The following KIAA0319L variants were observed in gnomAD, a reference collection of about 807,000 sequenced individuals.
KIAA0319L encodes the protein dyslexia-associated protein KIAA0319-like protein.
A neutral mutation model predicts 120.1 loss-of-function variants in KIAA0319L; 55 were observed. The ratio of observed to expected loss-of-function variants is 0.46; its 90% CI spans 0.37 to 0.57. KIAA0319L has a LOEUF of 0.57. Ranked by LOEUF, KIAA0319L falls within the 20% of genes least tolerant of loss-of-function variation. The probability of loss-of-function intolerance (pLI) is 0.00; values close to 1 mark genes in which losing one functional copy is unlikely to be tolerated. For synonymous variants in KIAA0319L, 398 were observed against 471.9 expected, an observed-to-expected ratio of 0.84 and a Z score of 2.03; for missense variants, 1,049 against 1,255.3, an observed-to-expected ratio of 0.84 and a Z score of 2.48.
At position 35,479,219 on chromosome 1, in the gene KIAA0319L, A is replaced by G. The variant is rs1644041450; in HGVS notation, c.667-7T>C. The G allele has an allele frequency of 6.2e-7, 1 of 1,606,138 alleles. No homozygotes were observed. The highest frequency in any genetic ancestry group is 1.1e-5 in the South Asian group (1 of 90,460). ...TTGTAATCGCCTTGTGGACCTAAAG[A>G]AATAAAAAAACTAATTTGAGTAGGT... is the stretch of plus-strand genomic sequence containing the variant. On this transcript the variant is annotated splice_polypyrimidine_tract_variant and splice_region_variant and intron_variant, in intron 3 of 20. Transcript: ENST00000325722.
chr1:35,531,309 T>C (rs955132816), intron 2 of KIAA0319L, among the ~76,000 whole-genome samples: 1 of 152,220 alleles, frequency 6.6e-6, no homozygotes, highest in Non-Finnish European at 1.5e-5. Flanking sequence ...TTCCCTGGTA[T>C]ACAGGACATT....
intron 3 of KIAA0319L, among the ~76,000 whole-genome samples, chr1:35,499,802 A>G (rs1377622776): frequency 2.6e-5 from 4 of 152,016 alleles, no homozygotes; most frequent in Non-Finnish European, 4.4e-5. Context: ...AAAACCCTGA[A>G]AAACAAACCC....
chr1:35,546,168 C>G (rs927886877), intron 2 of KIAA0319L, among the ~76,000 whole-genome samples: 1 of 151,840 alleles, frequency 6.6e-6, no homozygotes, highest in Non-Finnish European at 1.5e-5. Flanking sequence ...CCAGGGAGAC[C>G]ACAAGTGGGA....
In KIAA0319L at chr1:35,434,083, CTTTTT is replaced by C. The variant is rs34942826; in HGVS notation, c.*806_*810del. 1.7e-5 allele frequency: 2 copies of C among 116,068 alleles called. No individual in the cohort carries two copies. Among genetic ancestry groups the C allele is most frequent in the South Asian group, 2.7e-4 (1 of 3,742 alleles). 7.2% of individuals were successfully genotyped at this position (116,068 alleles called of 1,614,324 possible). On this transcript the variant is annotated 3_prime_UTR_variant, in exon 21 of 21. Coordinates refer to ENST00000325722, the MANE Select transcript of KIAA0319L (RefSeq NM_024874.5). ...GTTAAGGGGGGGCCAGATATCATTTCTTTTTTTTTTTTTTTTTTTTTGACGGAGTC... is the reference window on the plus strand; with the variant it reads ...GTTAAGGGGGGGCCAGATATCATTTCTTTTTTTTTTTTTTTTGACGGAGTC...
At chr1:35,499,143 T>C (rs1187717375) in intron 3 of KIAA0319L, among the ~76,000 whole-genome samples, 1 of 152,288 alleles carries the variant, frequency 6.6e-6, no homozygotes, top group African/African-American at 2.4e-5. Flanking sequence ...TAACAAGAGA[T>C]GGTCAAGTTC....
chr1:35,549,050 C>CTT (rs869246893), intron 2 of KIAA0319L, among the ~76,000 whole-genome samples: 5 of 142,034 alleles, frequency 3.5e-5, no homozygotes, highest in African/African-American at 5.1e-5. Context: ...TGCGTTGCAT[C>CTT]TTTTTTTTTT....
chr1:35,493,536 T>C lies in KIAA0319L; in HGVS notation c.666+13076A>G, dbSNP rs139674286. On this transcript the variant is annotated intron_variant, in intron 3 of 20. Transcript: ENST00000325722. ...ACCTGACAAAAGACTGCAAGATCTG[T>C]ACACCGGTGCCCAGCTGGTATACAT... Among the ~76,000 whole-genome samples the C allele has an allele frequency of 1.2e-4, 18 of 152,240 alleles. 2 individuals carry two copies. The highest frequency in any genetic ancestry group is 3.9e-4 in the African/African-American group (16 of 41,538).
intron 2 of KIAA0319L, among the ~76,000 whole-genome samples, chr1:35,508,287 T>G (rs760798531): frequency 2.0e-5 from 3 of 152,210 alleles, no homozygotes; most frequent in Non-Finnish European, 2.9e-5. Flanking sequence ...ATAAAATATA[T>G]GTTAGAATTA....
intron 3 of KIAA0319L, among the ~76,000 whole-genome samples, chr1:35,502,492 C>T (rs1210463623): frequency 6.6e-6 from 1 of 152,016 alleles, no homozygotes; most frequent in East Asian, 1.9e-4. Context: ...ACCTCAGTGT[C>T]CACATGGGTA....
intron 7 of KIAA0319L, among the ~76,000 whole-genome samples, chr1:35,464,539 T>C (rs1187547944): frequency 6.6e-6 from 1 of 152,194 alleles, no homozygotes; most frequent in Non-Finnish European, 1.5e-5. Flanking sequence ...ATACGGGAAG[T>C]AGAACATAAA....
chr1:35,456,216 C>A lies in KIAA0319L; in HGVS notation c.1453G>T (p.Ala485Ser). ...FSLTVVDSDG[A>S]TNSTTANLTV... ...AGGTTTGCAGTAGTAGAGTTGGTAG[C>A]TCCATCAGAGTCTACTACAGTCAAG... The change falls in exon 10 of 21, where the codon GCT becomes TCT. Residue 485 changes from alanine (A) to serine (S), a missense_variant. Ala to Ser is a moderately conservative substitution (Grantham distance 99). Coordinates refer to ENST00000325722, the MANE Select transcript of KIAA0319L (RefSeq NM_024874.5). 6.2e-7 allele frequency: 1 copy of A among 1,601,126 alleles called. No individual in the cohort carries two copies. The highest frequency in any genetic ancestry group is 8.5e-7 in the Non-Finnish European group (1 of 1,172,604).
intron 20 of KIAA0319L, among the ~76,000 whole-genome samples, chr1:35,435,785 C>G (rs1640738340): frequency 6.6e-6 from 1 of 152,232 alleles, no homozygotes; most frequent in Non-Finnish European, 1.5e-5. Context: ...CCCTTCACTA[C>G]TTATCCCTAT....
intron 2 of KIAA0319L, among the ~76,000 whole-genome samples, chr1:35,523,824 AT>A (rs1168085841): frequency 6.6e-6 from 1 of 152,240 alleles, no homozygotes; most frequent in Non-Finnish European, 1.5e-5. Context: ...GTCTCAAAAT[AT>A]TCTATCTAAT....
intron 14 of KIAA0319L, 79 bp from the exon 15 acceptor site, chr1:35,450,084 A>G: frequency 6.5e-7 from 1 of 1,545,884 alleles, no homozygotes; most frequent in Non-Finnish European, 8.9e-7. Flanking sequence ...CTTTCACCAT[A>G]ACTAGGCCCT....
At chr1:35,505,322 T>C (rs763673788) in intron 3 of KIAA0319L, among the ~76,000 whole-genome samples, 2 of 152,166 alleles carry the variant, frequency 1.3e-5, no homozygotes, top group Non-Finnish European at 2.9e-5. Context: ...ACATACACTG[T>C]GGCTCTGTCC....
At position 35,449,887 on chromosome 1, in the gene KIAA0319L, G is replaced by A; in HGVS notation, c.2333C>T (p.Thr778Ile). ...CTCACCAGGTTTCACCTCCACAGTGGTCCGGTCTGTGTCACTCTCACCCTT... is the reference window on the plus strand; with the variant it reads ...CTCACCAGGTTTCACCTCCACAGTGATCCGGTCTGTGTCACTCTCACCCTT... ...DAKGESDTDR[T>I]TVEVKPDPRK... Residue 778 changes from threonine to isoleucine, a missense_variant, in exon 15 of 21, where the codon ACC becomes ATC. By Grantham distance (89) the Thr-to-Ile change is moderately conservative (BLOSUM62 -1). Transcript: ENST00000325722. 1 of 1,614,090 alleles carries A rather than the reference G, an allele frequency of 6.2e-7. No individual in the cohort carries two copies. Among genetic ancestry groups the A allele is most frequent in the Non-Finnish European group, 8.5e-7 (1 of 1,180,008 alleles).
chr1:35,528,249 G>A (rs966343532), intron 2 of KIAA0319L, among the ~76,000 whole-genome samples: 6 of 152,000 alleles, frequency 3.9e-5, no homozygotes, highest in African/African-American at 1.4e-4. Flanking sequence ...CACCACACCT[G>A]GCTAATTATT....
At chr1:35,513,283 TATATA>T (rs1247901525) in intron 2 of KIAA0319L, among the ~76,000 whole-genome samples, 48 of 100,048 alleles carry the variant, frequency 4.8e-4, no homozygotes, top group African/African-American at 1.7e-3. Context: ...TATATATATA[TATATA>T]TTTTTTTTTT....
chr1:35,522,875 C>T (rs893446705), intron 2 of KIAA0319L, among the ~76,000 whole-genome samples: 2 of 151,470 alleles, frequency 1.3e-5, no homozygotes, highest in East Asian at 2.0e-4. Flanking sequence ...AAAAATTAGC[C>T]GGGCGTGGTG....
Sources: gnomAD v4.1 joint callset for allele counts (sites outside exome capture counted in the v4.1 genomes callset) on GRCh38, gnomAD v4.1.1 for gene constraint, MANE v1.5 for transcripts, NCBI Gene and HGNC (gene_info 2026-07-23, HGNC 2026-07-21) for gene names.